The following TCFL5 variants were observed in gnomAD, a reference collection of about 807,000 sequenced individuals.
The protein encoded by TCFL5 is transcription factor-like 5 protein.
Under a neutral mutation model 44.3 loss-of-function variants are expected in TCFL5, and 9 were observed. The observed-to-expected ratio is 0.20, with a 90% CI of 0.12 to 0.35. The LOEUF (loss-of-function observed/expected upper bound fraction) is 0.35, where lower values mean the gene tolerates loss of function less well. Ranked by LOEUF, TCFL5 falls within the 10% of genes least tolerant of loss-of-function variation. The probability of loss-of-function intolerance (pLI) is 1.00; values close to 1 mark genes in which losing one functional copy is unlikely to be tolerated. For missense variants in TCFL5, 603 were observed against 613.4 expected (o/e 0.98, Z 0.18); for synonymous variants, 319 against 271.6 (o/e 1.17, Z -1.72).
Position 62,861,788 on chromosome 20 carries a change from C to G in TCFL5, c.-118G>C, listed in dbSNP as rs1169867625. The G allele has an allele frequency of 2.1e-5, 3 of 145,656 alleles. No homozygotes were observed. Among genetic ancestry groups the G allele is most frequent in the Non-Finnish European group, 3.1e-5 (2 of 64,964 alleles). 9.0% of individuals were successfully genotyped at this position (145,656 alleles called of 1,614,324 possible). Reference sequence around the variant, plus strand: ...GAGCACTACTCTGCGCCGGCCACAGCCGGCGCGCCGTTGGGGGAGGGAAAA... The same window carrying G: ...GAGCACTACTCTGCGCCGGCCACAGGCGGCGCGCCGTTGGGGGAGGGAAAA... On this transcript the variant is annotated 5_prime_UTR_variant, in exon 1 of 6. Transcript: ENST00000335351. The surrounding 1 kb of genome is among the most constrained non-coding windows in gnomAD (Gnocchi z 4.0).
At chr20:62,847,109 G>A (rs951337634) in intron 5 of TCFL5, among the ~76,000 whole-genome samples, 2 of 151,782 alleles carry the variant, frequency 1.3e-5, no homozygotes, top group Non-Finnish European at 2.9e-5. Flanking sequence ...CTTGAACCCA[G>A]GAGGCAGACG....
chr20:62,844,571 G>GTTTTTTTTTTTTT (rs1244475923), intron 5 of TCFL5, among the ~76,000 whole-genome samples: 2 of 136,550 alleles, frequency 1.5e-5, no homozygotes, highest in Admixed American at 7.0e-5. Flanking sequence ...GTTTTTTTTT[G>GTTTTTTTTTTTTT]TTTGTTTTTT....
rs1447958946 is a variant in TCFL5 at position 62,861,614 on chromosome 20, C to G, written c.57G>C (p.Glu19Asp). The stretch of plus-strand genomic sequence containing the variant: ...CGCCGCCCGCGCCCTCGACGGCCGC[C>G]TCGCCGCCTGCCGCGCCTGCCTCCG... ...PPPEAGAAGG[E>D]AAVEGAGGGD... Residue 19 changes from glutamate to aspartate, a missense_variant, in exon 1 of 6, where the codon GAG becomes GAC. Physicochemically the swap from Glu to Asp is conservative, Grantham distance 45 (BLOSUM62 2). Coordinates refer to ENST00000335351, the MANE Select transcript of TCFL5 (RefSeq NM_006602.4). The surrounding 1 kb of genome is among the most constrained non-coding windows in gnomAD (Gnocchi z 4.0). 2.0e-5 allele frequency: 20 copies of G among 1,017,686 alleles called. No homozygotes were observed. The highest frequency in any genetic ancestry group is 2.2e-5 in the Non-Finnish European group (19 of 852,468). The allele number at this position is 1,017,686 out of a possible 1,614,324, so 63.0% of individuals were successfully genotyped here.
intron 1 of TCFL5, 77 bp downstream of exon 1, chr20:62,860,946 CT>C (rs1033130552): frequency 1.0e-6 from 1 of 972,472 alleles, no homozygotes; most frequent in African/African-American, 1.8e-5. Flanking sequence ...CGAGGGCCCC[CT>C]TTGCCTCCGC....
At chr20:62,857,317 G>C in intron 4 of TCFL5, 78 bp downstream of exon 4, 1 of 1,560,032 alleles carries the variant, frequency 6.4e-7, no homozygotes, top group Non-Finnish European at 8.7e-7. Flanking sequence ...AACGGCTAAG[G>C]ATCACTCATC....
Position 62,841,855 on chromosome 20 carries a change from C to T in TCFL5, c.*120G>A. 7.2e-7 allele frequency: 1 copy of T among 1,384,232 alleles called. No homozygotes were observed. The highest frequency in any genetic ancestry group is 9.7e-7 in the Non-Finnish European group (1 of 1,030,212). 85.7% of individuals were successfully genotyped at this position (1,384,232 alleles called of 1,614,324 possible). A position where few individuals can be genotyped will look rare whatever the true frequency, so the allele number is the denominator to read the frequency against. On this transcript the variant is annotated 3_prime_UTR_variant, in exon 6 of 6. Coordinates refer to ENST00000335351, the MANE Select transcript of TCFL5 (RefSeq NM_006602.4). ...CTCAAAGTCCCTACTGGAGTCCCGT[C>T]AGCTTGAGTCACGCCCTTTTCGAGT...
intron 4 of TCFL5, among the ~76,000 whole-genome samples, chr20:62,854,982 A>T (rs2063866070): frequency 6.6e-6 from 1 of 152,220 alleles, no homozygotes; most frequent in Non-Finnish European, 1.5e-5. Context: ...GTAGAGCTAG[A>T]AGTCCAACTT....
intron 5 of TCFL5, chr20:62,852,687 G>A (rs558000667): frequency 1.0e-6 from 1 of 985,256 alleles, no homozygotes; most frequent in East Asian, 1.1e-4. Context: ...CCGGTCCACA[G>A]AAGTACAGTC....
chr20:62,856,504 A>T (rs1311805255), intron 4 of TCFL5, among the ~76,000 whole-genome samples: 1 of 151,826 alleles, frequency 6.6e-6, no homozygotes, highest in Non-Finnish European at 1.5e-5. Context: ...GGAGATCAAG[A>T]CCATCCTGGC....
chr20:62,856,705 C>CAAAAA (rs11470406), intron 4 of TCFL5, among the ~76,000 whole-genome samples: 9 of 100,250 alleles, frequency 9.0e-5, no homozygotes, highest in South Asian at 3.9e-4. Flanking sequence ...GACTCCGTCT[C>CAAAAA]AAAAAAAAAA....
chr20:62,853,771 GCTAT>G (rs1190807625), intron 5 of TCFL5, among the ~76,000 whole-genome samples: 2 of 152,224 alleles, frequency 1.3e-5, no homozygotes, highest in East Asian at 1.9e-4. Context: ...TGCCCAATTT[GCTAT>G]CTGACAATTG....
intron 3 of TCFL5, among the ~76,000 whole-genome samples, chr20:62,858,741 G>A (rs2063935959): frequency 1.4e-5 from 1 of 72,214 alleles, no homozygotes; most frequent in Non-Finnish European, 2.6e-5. Context: ...GTTTCCCAGG[G>A]AGGAAGGGGC....
At chr20:62,856,579 G>A (rs865934356) in intron 4 of TCFL5, among the ~76,000 whole-genome samples, 9 of 151,648 alleles carry the variant, frequency 5.9e-5, no homozygotes, top group Admixed American at 2.6e-4. Flanking sequence ...GGTGGCAGGC[G>A]CCTGTAGTCC....
chr20:62,854,962 A>G (rs550288167), intron 4 of TCFL5, among the ~76,000 whole-genome samples: 2 of 152,328 alleles, frequency 1.3e-5, no homozygotes, highest in East Asian at 3.9e-4. Flanking sequence ...TCTAACCACA[A>G]GTCTACGCAG....
chr20:62,844,036 G>A (rs139531891), intron 5 of TCFL5, among the ~76,000 whole-genome samples: 1 of 152,176 alleles, frequency 6.6e-6, no homozygotes, highest in Non-Finnish European at 1.5e-5. Flanking sequence ...ACTGTGAAAG[G>A]TGCTGCCATG....
At position 62,857,564 on chromosome 20, in the gene TCFL5, T is replaced by C. The variant is rs199606478; in HGVS notation, c.1069A>G (p.Arg357Gly). The C allele has an allele frequency of 3.0e-5, 49 of 1,614,148 alleles. No individual in the cohort carries two copies. The highest frequency in any genetic ancestry group is 4.1e-5 in the Non-Finnish European group (48 of 1,180,058). The change falls in exon 4 of 6, where the codon AGA becomes GGA. Residue 357 changes from arginine (R) to glycine (G), a missense_variant. Around this residue, in one of 4 missense-constraint regions of TCFL5, gnomAD observed 540 missense variants for 478.7 expected, o/e 1.13. Coordinates refer to ENST00000335351, the MANE Select transcript of TCFL5 (RefSeq NM_006602.4). ...MRQLDTNVER[R>G]ALGEIQNVGE... is the part of the protein sequence containing the mutation. ...ACATTCTGAATCTCTCCAAGGGCTC[T>C]TCGCTCTACATTTGTGTCCAACTGA...
At chr20:62,855,795 A>C (rs1167070114) in intron 4 of TCFL5, among the ~76,000 whole-genome samples, 4 of 152,012 alleles carry the variant, frequency 2.6e-5, no homozygotes, top group Admixed American at 2.6e-4. Flanking sequence ...TAAATAAATA[A>C]ATTGCCTTAG....
At chr20:62,851,294 G>A (rs934693395) in intron 5 of TCFL5, among the ~76,000 whole-genome samples, 3 of 152,224 alleles carry the variant, frequency 2.0e-5, no homozygotes, top group Middle Eastern at 3.4e-3. Flanking sequence ...CAGATTCAAT[G>A]TAATTACATT....
At chr20:62,843,042 AAG>A (rs1254770637) in intron 5 of TCFL5, among the ~76,000 whole-genome samples, 1 of 152,184 alleles carries the variant, frequency 6.6e-6, no homozygotes, top group African/African-American at 2.4e-5. Flanking sequence ...GACTGAGAGG[AAG>A]AGAGGGGCAC....
Sources: allele counts gnomAD v4.1 joint callset (sites outside exome capture counted in the v4.1 genomes callset), GRCh38; gene constraint gnomAD v4.1.1; regional missense constraint gnomAD v4.1.1; non-coding constraint Gnocchi (gnomAD v3.1); transcripts MANE v1.5; gene names NCBI Gene and HGNC (gene_info 2026-07-23, HGNC 2026-07-21).